Variants in ATAD2B observed in about 807,000 individuals in gnomAD.
ATAD2B encodes the protein ATPase family AAA domain containing 2B.
ATAD2B carries 40 observed loss-of-function variants against 167.6 expected under a neutral mutation model. The observed-to-expected ratio is 0.24, with a 90% CI of 0.19 to 0.31. The LOEUF is 0.31. Ranked by LOEUF, ATAD2B falls within the 10% of genes least tolerant of loss-of-function variation. The pLI is 1.00. For synonymous variants in ATAD2B, 579 were observed against 596.5 expected, an observed-to-expected ratio of 0.97 and a Z score of 0.43; for missense variants, 1,242 against 1,757.2, an observed-to-expected ratio of 0.71 and a Z score of 5.24.
the ATAD2B span, among the ~76,000 whole-genome samples, chr2:23,732,632 G>T: frequency 6.6e-6 from 1 of 152,084 alleles, no homozygotes; most frequent in East Asian, 1.9e-4. Flanking sequence ...GGAAAAAATT[G>T]ATGTTATTAG....
intron 14 of ATAD2B, among the ~76,000 whole-genome samples, chr2:23,833,186 C>T (rs1262939524): frequency 1.3e-5 from 2 of 152,170 alleles, no homozygotes; most frequent in East Asian, 3.8e-4. Flanking sequence ...GTCTTCCATA[C>T]AGTCCGAATC....
intron 17 of ATAD2B, among the ~76,000 whole-genome samples, chr2:23,814,946 C>CT (rs1253396569): frequency 2.6e-5 from 4 of 151,438 alleles, no homozygotes; most frequent in Non-Finnish European, 2.9e-5. Context: ...ATCCCAGCAA[C>CT]TTGGGAGGCT....
chr2:23,742,595 C>A, the ATAD2B span, among the ~76,000 whole-genome samples: 6 of 150,942 alleles, frequency 4.0e-5, no homozygotes, highest in African/African-American at 1.5e-4. Context: ...AGGAGATATA[C>A]CTAATGATAA....
At chr2:23,881,649 C>A (rs1281810338) in intron 6 of ATAD2B, among the ~76,000 whole-genome samples, 1 of 149,920 alleles carries the variant, frequency 6.7e-6, no homozygotes, top group Non-Finnish European at 1.5e-5. Flanking sequence ...GCGTGAGCCA[C>A]CGCGCCCAGC....
intron 19 of ATAD2B, among the ~76,000 whole-genome samples, chr2:23,790,985 C>A (rs1182151594): frequency 6.6e-6 from 1 of 152,118 alleles, no homozygotes; most frequent in East Asian, 1.9e-4. Context: ...CATGTCCCAG[C>A]CTAACAACCA....
chr2:23,690,580 G>A, the ATAD2B span: 10 of 152,284 alleles, frequency 6.6e-5, no homozygotes, highest in South Asian at 2.1e-4. Context: ...TCCCAGCCAC[G>A]TGGCCAGGCC....
chr2:23,899,918 CTTTT>C (rs34685891), intron 1 of ATAD2B, among the ~76,000 whole-genome samples: 10 of 83,606 alleles, frequency 1.2e-4, no homozygotes, highest in African/African-American at 4.5e-4. Flanking sequence ...AGTTTTCTTA[CTTTT>C]TTTTTTTTTT....
intron 24 of ATAD2B, among the ~76,000 whole-genome samples, chr2:23,760,186 G>A (rs1395734350): frequency 6.6e-6 from 1 of 152,150 alleles, no homozygotes; most frequent in Non-Finnish European, 1.5e-5. Flanking sequence ...AAGTAGGACT[G>A]GAGGTATTTT....
chr2:23,699,107 C>T, the ATAD2B span, among the ~76,000 whole-genome samples: 4 of 152,358 alleles, frequency 2.6e-5, no homozygotes, highest in East Asian at 7.7e-4. Flanking sequence ...TTGAGACATT[C>T]CAGCCTCGTC....
intron 2 of ATAD2B, among the ~76,000 whole-genome samples, chr2:23,889,712 G>T (rs1699198400): frequency 6.6e-6 from 1 of 151,748 alleles, no homozygotes; most frequent in South Asian, 2.1e-4. Flanking sequence ...CTGAGGTCAG[G>T]AGTTCGAGAC....
intron 17 of ATAD2B, among the ~76,000 whole-genome samples, chr2:23,816,908 A>G (rs559998746): frequency 1.3e-5 from 2 of 152,310 alleles, no homozygotes; most frequent in South Asian, 2.1e-4. Context: ...AAAGGTTTCA[A>G]CATTGTTTCA....
chr2:23,779,361 G>A (rs1346924766), intron 22 of ATAD2B, among the ~76,000 whole-genome samples: 2 of 151,646 alleles, frequency 1.3e-5, no homozygotes, highest in East Asian at 1.9e-4. Flanking sequence ...ATTTTTAGTA[G>A]AGACAGGGTT....
At position 23,887,824 on chromosome 2, in the gene ATAD2B, A is replaced by G; in HGVS notation, c.572+8T>C. On this transcript the variant is annotated splice_region_variant and intron_variant, in intron 4 of 27. Transcript: ENST00000238789. ...TAAATGAAACTGCTTAATACTTGGC[A>G]TTCATACCTATTTACTAGTTGATCA... 1 of 1,580,068 alleles carries G rather than the reference A, an allele frequency of 6.3e-7. No individual in the cohort carries two copies. The highest frequency in any genetic ancestry group is 1.2e-5 in the South Asian group (1 of 85,102).
the ATAD2B span, chr2:23,696,313 G>A: frequency 1.3e-6 from 2 of 1,550,338 alleles, no homozygotes; most frequent in South Asian, 1.2e-5. The surrounding 1 kb of genome is among the most constrained non-coding windows in gnomAD (Gnocchi z 5.5). Context: ...CGCTCTCTCT[G>A]CCTCCCACAC....
chr2:23,925,934 G>A (rs552738507), intron 1 of ATAD2B, among the ~76,000 whole-genome samples: 3 of 152,148 alleles, frequency 2.0e-5, no homozygotes, highest in Non-Finnish European at 2.9e-5. Flanking sequence ...TGAGCTAGCT[G>A]GCTGGTTCCC....
intron 12 of ATAD2B, among the ~76,000 whole-genome samples, chr2:23,860,962 A>G (rs1260964032): frequency 6.6e-6 from 1 of 152,036 alleles, no homozygotes; most frequent in Non-Finnish European, 1.5e-5. Flanking sequence ...CAAAAGCGAA[A>G]CTCCATATCA....
chr2:23,874,293 G>C (rs1258435630), intron 8 of ATAD2B, among the ~76,000 whole-genome samples: 1 of 151,996 alleles, frequency 6.6e-6, no homozygotes, highest in African/African-American at 2.4e-5. Context: ...AAACATAACA[G>C]CTAAAACTAT....
intron 17 of ATAD2B, among the ~76,000 whole-genome samples, chr2:23,818,263 C>T (rs12713066): frequency 1.6e-4 from 2 of 12,700 alleles, no homozygotes; most frequent in African/African-American, 2.8e-4. Context: ...GAGAGGGAGA[C>T]GGAGGGAGGG....
At chr2:23,813,373 T>G (rs1203109412) in intron 17 of ATAD2B, among the ~76,000 whole-genome samples, 2 of 149,362 alleles carry the variant, frequency 1.3e-5, no homozygotes, top group Non-Finnish European at 3.0e-5. Flanking sequence ...TATAGGAATA[T>G]AAATGTATAA....
Sources: allele counts gnomAD v4.1 joint callset (sites outside exome capture counted in the v4.1 genomes callset), GRCh38; gene constraint gnomAD v4.1.1; non-coding constraint Gnocchi (gnomAD v3.1); transcripts MANE v1.5; gene names NCBI Gene and HGNC (gene_info 2026-07-23, HGNC 2026-07-21).